NALF1: variants seen among roughly 807,000 people sequenced by gnomAD.
NALF1 encodes family with sequence similarity 155 member A.
In NALF1, 3 loss-of-function variants were observed where a neutral mutation model predicts 48.4. The observed-to-expected ratio is 0.06, with a 90% CI of 0.03 to 0.16. The LOEUF is 0.16. Ranked by LOEUF, NALF1 falls within the 10% of genes least tolerant of loss-of-function variation. The pLI is 1.00. For missense variants in NALF1, 526 were observed against 571.5 expected, an observed-to-expected ratio of 0.92 and a Z score of 0.81; for synonymous variants, 262 against 245.7, an observed-to-expected ratio of 1.07 and a Z score of -0.62.
chr13:107,172,305 A>C (rs978138364), intron 2 of NALF1, among the ~76,000 whole-genome samples: 1 of 152,104 alleles, frequency 6.6e-6, no homozygotes, highest in Non-Finnish European at 1.5e-5. Context: ...TTTAATTTCA[A>C]TTTTCTTACT....
intron 1 of NALF1, among the ~76,000 whole-genome samples, chr13:107,228,902 T>C (rs1260988131): frequency 6.6e-6 from 1 of 152,128 alleles, no homozygotes; most frequent in Admixed American, 6.5e-5. Context: ...ATTACAGGCA[T>C]GAGCCACCAC....
chr13:107,578,599 T>C (rs1369467964), intron 1 of NALF1, among the ~76,000 whole-genome samples: 2 of 152,192 alleles, frequency 1.3e-5, no homozygotes, highest in African/African-American at 4.8e-5. Context: ...GCCTTGATGC[T>C]TTCCATAAAT....
intron 1 of NALF1, among the ~76,000 whole-genome samples, chr13:107,418,091 T>A (rs1403082361): frequency 6.6e-6 from 1 of 152,118 alleles, no homozygotes; most frequent in Non-Finnish European, 1.5e-5. Context: ...ATTAAATACA[T>A]GGGCTTAAAT....
rs757208205 is a variant in NALF1 at position 107,866,007 on chromosome 13, C to T, written c.590G>A (p.Arg197Gln). Residue 197 changes from arginine (R) to glutamine (Q), a missense_variant, in exon 1 of 3, where the codon CGG becomes CAG. This residue lies in a region of NALF1 where 373 missense variants were observed against 355.5 expected (regional missense o/e 1.05). Transcript: ENST00000375915. This position sits in a 1 kb window ranked among gnomAD's most constrained non-coding sequence, Gnocchi z 4.4. ...CTGCCCGTCCCCCCCGGCCGCCCCC[C>T]GACTCCAGTTCCTGGCGCACACCGC... The part of the protein sequence containing the change: ...ADAVCARNWS[R>Q]GAAGGDGQEV... 4.6e-5 allele frequency: 74 copies of T among 1,612,054 alleles called. 2 individuals carry two copies. In the South Asian group the frequency reaches 7.9e-4, roughly 17 times the overall value.
intron 2 of NALF1, among the ~76,000 whole-genome samples, chr13:107,192,192 T>C (rs1052100425): frequency 6.6e-6 from 1 of 152,134 alleles, no homozygotes; most frequent in South Asian, 2.1e-4. Context: ...ATTTTACTTA[T>C]AAAAAGGAAA....
intron 1 of NALF1, among the ~76,000 whole-genome samples, chr13:107,282,937 T>G (rs1020477150): frequency 2.6e-5 from 4 of 152,222 alleles, no homozygotes; most frequent in Non-Finnish European, 5.9e-5. Context: ...AGCTAGATAA[T>G]TCTTCCATTA....
intron 1 of NALF1, among the ~76,000 whole-genome samples, chr13:107,776,174 T>A (rs1210862478): frequency 6.6e-6 from 1 of 152,174 alleles, no homozygotes; most frequent in Non-Finnish European, 1.5e-5. Context: ...ATTAGACACA[T>A]TGATTTGGCA....
chr13:107,340,520 C>G (rs1453929081), intron 1 of NALF1, among the ~76,000 whole-genome samples: 2 of 131,678 alleles, frequency 1.5e-5, no homozygotes, highest in East Asian at 4.7e-4. Context: ...CTTTCTTTCT[C>G]TCTCTTTTTT....
chr13:107,753,648 G>A (rs895861726), intron 1 of NALF1, among the ~76,000 whole-genome samples: 1 of 152,104 alleles, frequency 6.6e-6, no homozygotes, highest in Non-Finnish European at 1.5e-5. Context: ...CGGATACACA[G>A]AATACTTTCT....
chr13:107,628,520 C>T (rs562248851), intron 1 of NALF1, among the ~76,000 whole-genome samples: 5 of 152,266 alleles, frequency 3.3e-5, no homozygotes, highest in African/African-American at 1.2e-4. Flanking sequence ...TAGGTTTCCA[C>T]TCAAGATACT....
At chr13:107,415,125 CTT>C (rs1884063319) in intron 1 of NALF1, among the ~76,000 whole-genome samples, 1 of 152,100 alleles carries the variant, frequency 6.6e-6, no homozygotes, top group Non-Finnish European at 1.5e-5. Context: ...CTAAGTATAA[CTT>C]GACATAATTT....
chr13:107,570,689 A>T (rs1877961656), intron 1 of NALF1, among the ~76,000 whole-genome samples: 1 of 151,864 alleles, frequency 6.6e-6, no homozygotes, highest in Admixed American at 6.6e-5. Context: ...TTTTAAAAGC[A>T]AAGAAAGCAT....
At chr13:107,569,201 G>A (rs1046966808) in intron 1 of NALF1, among the ~76,000 whole-genome samples, 12 of 152,270 alleles carry the variant, frequency 7.9e-5, no homozygotes, top group African/African-American at 2.6e-4. Context: ...CAGGCGTGGT[G>A]GCTCACGCCT....
chr13:107,703,267 A>G (rs1190306520), intron 1 of NALF1, among the ~76,000 whole-genome samples: 2 of 152,012 alleles, frequency 1.3e-5, no homozygotes, highest in Admixed American at 6.6e-5. Context: ...CTATTTAAAT[A>G]CTTTTTCCTG....
chr13:107,757,865 C>T (rs976612601), intron 1 of NALF1, among the ~76,000 whole-genome samples: 1 of 152,126 alleles, frequency 6.6e-6, no homozygotes, highest in African/African-American at 2.4e-5. Flanking sequence ...GTCAAATCAT[C>T]TTGAGTTTTG....
At chr13:107,746,676 A>G (rs1184378098) in intron 1 of NALF1, among the ~76,000 whole-genome samples, 1 of 152,166 alleles carries the variant, frequency 6.6e-6, no homozygotes, top group East Asian at 1.9e-4. Flanking sequence ...CTTCTTTTCA[A>G]TGTTAACAGG....
At chr13:107,531,253 T>C (rs765299698) in intron 1 of NALF1, 1 of 168,972 alleles carries the variant, frequency 5.9e-6, no homozygotes, top group Non-Finnish European at 1.5e-5. Context: ...TGGGAGGTAT[T>C]TGGATCACGG....
intron 1 of NALF1, among the ~76,000 whole-genome samples, chr13:107,308,953 A>T (rs1420188865): frequency 4.6e-5 from 7 of 152,156 alleles, no homozygotes; most frequent in Non-Finnish European, 5.9e-5. Context: ...AAAACATTTG[A>T]GGTGTTGAGT....
intron 1 of NALF1, among the ~76,000 whole-genome samples, chr13:107,619,745 G>A (rs1879473137): frequency 6.6e-6 from 1 of 152,128 alleles, no homozygotes; most frequent in African/African-American, 2.4e-5. Flanking sequence ...CCCTCAAGTT[G>A]CACAACTAGC....
Sources: allele counts gnomAD v4.1 joint callset (sites outside exome capture counted in the v4.1 genomes callset), GRCh38; gene constraint gnomAD v4.1.1; regional missense constraint gnomAD v4.1.1; non-coding constraint Gnocchi (gnomAD v3.1); transcripts MANE v1.5; gene names NCBI Gene and HGNC (gene_info 2026-07-23, HGNC 2026-07-21).